The following ITSN1 variants were observed in gnomAD, a reference collection of about 807,000 sequenced individuals.
ITSN1 encodes the protein intersectin 1.
In ITSN1, 58 loss-of-function variants were observed where a neutral mutation model predicts 239.8. The ratio of observed to expected loss-of-function variants is 0.24; its 90% CI spans 0.20 to 0.30. ITSN1 has a LOEUF of 0.30. ITSN1 is among the 10% of genes least tolerant of loss of function. ITSN1 has a pLI of 1.00. For synonymous variants in ITSN1, 780 were observed against 770.8 expected (o/e 1.01, Z -0.20); for missense variants, 1,558 against 2,103.3 (o/e 0.74, Z 5.07).
chr21:33,684,290 AT>A (rs1473986590), intron 1 of ITSN1, among the ~76,000 whole-genome samples: 1 of 152,180 alleles, frequency 6.6e-6, no homozygotes, highest in African/African-American at 2.4e-5. Context: ...GTCTCAACTC[AT>A]TGCTAGAGAC....
At chr21:33,646,721 A>G (rs1351921946) in intron 1 of ITSN1, among the ~76,000 whole-genome samples, 2 of 152,236 alleles carry the variant, frequency 1.3e-5, no homozygotes, top group Non-Finnish European at 2.9e-5. Flanking sequence ...AATGGTAGTT[A>G]CAGTGATGAT....
At chr21:33,714,723 T>C (rs1051287305) in intron 1 of ITSN1, among the ~76,000 whole-genome samples, 1 of 152,178 alleles carries the variant, frequency 6.6e-6, no homozygotes, top group African/African-American at 2.4e-5. Flanking sequence ...AATCATTTTT[T>C]CCTAAGATAA....
chr21:33,886,348 C>T lies in ITSN1; in HGVS notation c.4905C>T (p.Ile1635=). ...MGSQCHITKT[I]QDTLNPKWNS... ...CCCAGTGCCACATCACCAAGACGAT[C>T]CAGGACACTCTGAACCCCAAGTGGA... The change falls in exon 39 of 40, where the codon ATC becomes ATT. Residue 1635 remains isoleucine, a synonymous_variant. Coordinates refer to ENST00000381318, the MANE Select transcript of ITSN1 (RefSeq NM_003024.3). 2 of 1,614,070 alleles carry T rather than the reference C, an allele frequency of 1.2e-6. No homozygotes were observed. Among genetic ancestry groups the T allele is most frequent in the Non-Finnish European group, 1.7e-6 (2 of 1,179,964 alleles).
rs773901811 is a variant in ITSN1, at chr21:33,802,454, GC to G, written c.2319+12del. 1.2e-6 allele frequency: 2 copies of G among 1,613,438 alleles called. No homozygotes were observed. The highest frequency in any genetic ancestry group is 2.7e-5 in the African/African-American group (2 of 74,984). ...GGTTAAAGGGGAATGGGTAAGTGTT[GC>G]CTAACTGTCAGGAAGTCTGCATCTT... is the stretch of plus-strand genomic sequence containing the variant. On this transcript the variant is annotated intron_variant, in intron 20 of 39. Transcript: ENST00000381318.
chr21:33,853,944 C>T (rs1978823475), intron 29 of ITSN1, among the ~76,000 whole-genome samples: 1 of 152,186 alleles, frequency 6.6e-6, no homozygotes. Flanking sequence ...GACCACCAGT[C>T]CCCCAGGTTC....
intron 8 of ITSN1, among the ~76,000 whole-genome samples, chr21:33,756,287 C>CAAAAAA (rs923721086): frequency 1.8e-5 from 1 of 56,752 alleles, no homozygotes; most frequent in African/African-American, 6.1e-5. Context: ...GACTCCGTCT[C>CAAAAAA]AAAAAAAAAA....
intron 29 of ITSN1, among the ~76,000 whole-genome samples, chr21:33,839,024 C>T (rs1354058039): frequency 6.6e-6 from 1 of 152,198 alleles, no homozygotes; most frequent in Non-Finnish European, 1.5e-5. Context: ...TGATTCCATC[C>T]TCATGAGCTT....
chr21:33,694,910 G>A (rs1444704906), intron 1 of ITSN1, among the ~76,000 whole-genome samples: 2 of 152,188 alleles, frequency 1.3e-5, no homozygotes, highest in African/African-American at 4.8e-5. Context: ...CAACTCCTAG[G>A]CTCCATCAAT....
At chr21:33,806,053 A>G (rs1478113803) in intron 20 of ITSN1, among the ~76,000 whole-genome samples, 4 of 149,966 alleles carry the variant, frequency 2.7e-5, no homozygotes, top group Admixed American at 6.6e-5. Flanking sequence ...AATACAAAAA[A>G]AAAAAAAATT....
intron 36 of ITSN1, among the ~76,000 whole-genome samples, chr21:33,884,661 G>GTTCT: frequency 6.6e-6 from 1 of 152,186 alleles, no homozygotes; most frequent in East Asian, 1.9e-4. Flanking sequence ...AGTGGTTTTT[G>GTTCT]TTCTTTCTTT....
chr21:33,665,459 T>C (rs1050726254), intron 1 of ITSN1, among the ~76,000 whole-genome samples: 4 of 152,178 alleles, frequency 2.6e-5, no homozygotes, highest in Non-Finnish European at 5.9e-5. Context: ...TTAGTATGGC[T>C]ATCATTTTTT....
At chr21:33,885,200 G>A in intron 37 of ITSN1, 77 bp downstream of exon 37, 1 of 1,255,450 alleles carries the variant, frequency 8.0e-7, no homozygotes, top group Non-Finnish European at 1.2e-6. Flanking sequence ...AAAATCCTCA[G>A]AATAGAAGAA....
intron 29 of ITSN1, among the ~76,000 whole-genome samples, chr21:33,855,364 C>G (rs1331660037): frequency 6.6e-6 from 1 of 152,198 alleles, no homozygotes; most frequent in Non-Finnish European, 1.5e-5. Context: ...CCACTGGTCC[C>G]CAGCAGGGGG....
At chr21:33,859,720 G>A (rs763896729) in intron 31 of ITSN1, among the ~76,000 whole-genome samples, 5 of 152,192 alleles carry the variant, frequency 3.3e-5, no homozygotes, top group East Asian at 1.9e-4. Flanking sequence ...TTTCCTGAGC[G>A]TGTGTTTGGG....
At chr21:33,752,396 G>C (rs540723689) in intron 7 of ITSN1, among the ~76,000 whole-genome samples, 5 of 152,110 alleles carry the variant, frequency 3.3e-5, no homozygotes, top group African/African-American at 4.8e-5. Context: ...ATTATGAAAA[G>C]AATTATCCAG....
At chr21:33,822,852 C>T (rs574878857) in intron 24 of ITSN1, among the ~76,000 whole-genome samples, 3 of 152,290 alleles carry the variant, frequency 2.0e-5, no homozygotes, top group Admixed American at 1.3e-4. Context: ...CAACTAGATG[C>T]CCATTTTTAA....
At chr21:33,720,031 G>A (rs1413288879) in intron 2 of ITSN1, among the ~76,000 whole-genome samples, 1 of 152,138 alleles carries the variant, frequency 6.6e-6, no homozygotes, top group Non-Finnish European at 1.5e-5. Context: ...AAAATCACTA[G>A]TTATTCTATT....
chr21:33,645,757 A>C (rs1348204357), intron 1 of ITSN1, among the ~76,000 whole-genome samples: 1 of 152,234 alleles, frequency 6.6e-6, no homozygotes, highest in Non-Finnish European at 1.5e-5. Flanking sequence ...GGTGTTGTTA[A>C]TGCATTCTCC....
At chr21:33,740,868 C>G (rs1163330110) in intron 5 of ITSN1, among the ~76,000 whole-genome samples, 1 of 151,998 alleles carries the variant, frequency 6.6e-6, no homozygotes, top group Non-Finnish European at 1.5e-5. Context: ...AGTTCAGGAC[C>G]AGCCTGGGCA....
Sources: gnomAD v4.1 joint callset for allele counts (sites outside exome capture counted in the v4.1 genomes callset) on GRCh38, gnomAD v4.1.1 for gene constraint, MANE v1.5 for transcripts, NCBI Gene and HGNC (gene_info 2026-07-23, HGNC 2026-07-21) for gene names.